PTPN3: variants seen among roughly 807,000 people sequenced by gnomAD.
The protein encoded by PTPN3 is tyrosine-protein phosphatase non-receptor type 3.
Under a neutral mutation model 132.7 loss-of-function variants are expected in PTPN3, and 96 were observed. The ratio of observed to expected loss-of-function variants is 0.72; its 90% CI spans 0.61 to 0.86. PTPN3 has a LOEUF of 0.86. Ranked by LOEUF, PTPN3 falls within the 40% of genes least tolerant of loss-of-function variation. PTPN3 has a pLI of 0.00. For missense variants in PTPN3, 1,125 were observed against 1,159.6 expected, an observed-to-expected ratio of 0.97 and a Z score of 0.43; for synonymous variants, 398 against 429.0, an observed-to-expected ratio of 0.93 and a Z score of 0.89.
intron 1 of PTPN3, among the ~76,000 whole-genome samples, chr9:109,483,425 G>A (rs548756563): frequency 6.6e-6 from 1 of 152,222 alleles, no homozygotes; most frequent in East Asian, 1.9e-4. Context: ...AGGTGCTGGG[G>A]TACAAGGTTA....
chr9:109,519,465 C>A, the PTPN3 span, among the ~76,000 whole-genome samples: 1 of 152,314 alleles, frequency 6.6e-6, no homozygotes, highest in South Asian at 2.1e-4. Flanking sequence ...TGGGATGTAA[C>A]TGCATCATAG....
intron 1 of PTPN3, among the ~76,000 whole-genome samples, chr9:109,493,310 T>C (rs182759156): frequency 2.2e-4 from 34 of 152,322 alleles, no homozygotes; most frequent in Non-Finnish European, 4.4e-4. Flanking sequence ...AACACTGTGC[T>C]CTTTGGTGGT....
At chr9:109,417,818 ACT>A in intron 14 of PTPN3, 1 of 974,294 alleles carries the variant, frequency 1.0e-6, no homozygotes, top group Non-Finnish European at 1.2e-6. Context: ...CCTTTGAACC[ACT>A]GTTATTTGCT....
rs924690276 is a variant in PTPN3 at position 109,413,930 on chromosome 9, G to A, written c.1314-3515C>T. Among the ~76,000 whole-genome samples the A allele has an allele frequency of 2.6e-5, 4 of 152,100 alleles. No homozygotes were observed. The East Asian group carries it at 7.7e-4, about 29-fold the overall frequency. On this transcript the variant is annotated intron_variant, in intron 14 of 25. Transcript: ENST00000374541. ...AGAAAATTAAAGACCTCCCCGCCCCGCCGCCTGTGAAAGGAGGCAAAGTCC... is the reference window on the plus strand; with the variant it reads ...AGAAAATTAAAGACCTCCCCGCCCCACCGCCTGTGAAAGGAGGCAAAGTCC...
intron 1 of PTPN3, among the ~76,000 whole-genome samples, chr9:109,496,467 C>A (rs1394690216): frequency 6.6e-6 from 1 of 152,162 alleles, no homozygotes; most frequent in Non-Finnish European, 1.5e-5. Context: ...TGGGTTACAC[C>A]CCAGCTCTAC....
At chr9:109,533,160 C>A in the PTPN3 span, among the ~76,000 whole-genome samples, 28,491 of 80,706 alleles carry the variant, frequency 0.35, 5,643 homozygotes, top group East Asian at 0.71. Context: ...TTTTTTGAGA[C>A]GGAGTCTCGC....
chr9:109,408,796 A>ATATATATATATAT (rs1554783378), intron 16 of PTPN3, among the ~76,000 whole-genome samples: 1 of 108,372 alleles, frequency 9.2e-6, no homozygotes, highest in African/African-American at 3.7e-5. Flanking sequence ...AAAAAAAAAA[A>ATATATATATATAT]ATATATATAT....
the PTPN3 span, among the ~76,000 whole-genome samples, chr9:109,503,400 A>G: frequency 3.9e-5 from 6 of 152,284 alleles, no homozygotes; most frequent in African/African-American, 1.2e-4. Context: ...CTAATGTTTT[A>G]TCCATTGAAA....
intron 9 of PTPN3, among the ~76,000 whole-genome samples, chr9:109,435,997 A>AC (rs2131923686): frequency 6.6e-6 from 1 of 152,276 alleles, no homozygotes; most frequent in African/African-American, 2.4e-5. Context: ...CATTTACTCA[A>AC]TCTCTATGAG....
At chr9:109,400,047 T>A (rs1468013162) in intron 19 of PTPN3, among the ~76,000 whole-genome samples, 1 of 149,398 alleles carries the variant, frequency 6.7e-6, no homozygotes, top group Non-Finnish European at 1.5e-5. Context: ...CTCACCTCAA[T>A]CTCCCGAGTA....
chr9:109,383,236 G>C, intron 23 of PTPN3, 187 bp downstream of exon 23: 5 of 941,266 alleles, frequency 5.3e-6, no homozygotes, highest in Non-Finnish European at 8.2e-6. Context: ...TTTGCACCTC[G>C]TGCCTGTTGT....
At chr9:109,507,873 T>C in the PTPN3 span, among the ~76,000 whole-genome samples, 1 of 152,270 alleles carries the variant, frequency 6.6e-6, no homozygotes, top group South Asian at 2.1e-4. Flanking sequence ...AAAACATTAC[T>C]ATTTCCCCAT....
At chr9:109,417,922 A>G in intron 14 of PTPN3, 1 of 336,532 alleles carries the variant, frequency 3.0e-6, no homozygotes, top group South Asian at 1.2e-4. Flanking sequence ...CTCATTGTGC[A>G]ATGTATAGGA....
intron 21 of PTPN3, among the ~76,000 whole-genome samples, chr9:109,389,656 C>T (rs1839898551): frequency 6.6e-6 from 1 of 152,332 alleles, no homozygotes; most frequent in South Asian, 2.1e-4. Context: ...GTTTAAATGA[C>T]TTTCATTGCT....
At chr9:109,381,190 G>GTTA (rs1839046587) in intron 25 of PTPN3, among the ~76,000 whole-genome samples, 1 of 152,192 alleles carries the variant, frequency 6.6e-6, no homozygotes, top group African/African-American at 2.4e-5. Context: ...ATCCCCAAGA[G>GTTA]TTATCCCCTA....
chr9:109,402,051 T>C (rs1340928561), intron 19 of PTPN3, among the ~76,000 whole-genome samples: 4 of 152,312 alleles, frequency 2.6e-5, no homozygotes, highest in South Asian at 2.1e-4. Flanking sequence ...CCTTCCCTCA[T>C]CAGGTTCCTG....
At chr9:109,448,901 G>T in intron 5 of PTPN3, 46 bp from the exon 6 acceptor site, 2 of 1,012,450 alleles carry the variant, frequency 2.0e-6, no homozygotes, top group Non-Finnish European at 1.3e-6. Context: ...ACTGAAATAA[G>T]CAAAAAAAAA....
At chr9:109,439,435 C>T (rs1844294283) in intron 7 of PTPN3, among the ~76,000 whole-genome samples, 1 of 152,176 alleles carries the variant, frequency 6.6e-6, no homozygotes, top group South Asian at 2.1e-4. Context: ...CTGTAGCTCG[C>T]TGCAATGCCA....
chr9:109,406,210 C>T (rs1841549833), intron 18 of PTPN3, among the ~76,000 whole-genome samples: 1 of 152,174 alleles, frequency 6.6e-6, no homozygotes, highest in East Asian at 1.9e-4. Flanking sequence ...GCTGGGGGCT[C>T]ATGTCCTGTA....
Sources: gnomAD v4.1 joint callset for allele counts (sites outside exome capture counted in the v4.1 genomes callset) on GRCh38, gnomAD v4.1.1 for gene constraint, MANE v1.5 for transcripts, NCBI Gene and HGNC (gene_info 2026-07-23, HGNC 2026-07-21) for gene names.